Variants in KIAA1328 observed in about 807,000 individuals in gnomAD.
KIAA1328 encodes protein hinderin.
A neutral mutation model predicts 68.1 loss-of-function variants in KIAA1328; 52 were observed. That is an observed-to-expected ratio of 0.76 (90% CI 0.61 to 0.96). The LOEUF is 0.96. Ranked by LOEUF, KIAA1328 falls within the 40% of genes least tolerant of loss-of-function variation. The probability of loss-of-function intolerance (pLI) is 0.00; values close to 1 mark genes in which losing one functional copy is unlikely to be tolerated. For missense variants in KIAA1328, 641 were observed against 677.6 expected (o/e 0.95, Z 0.60); for synonymous variants, 232 against 239.4 (o/e 0.97, Z 0.28).
intron 7 of KIAA1328, among the ~76,000 whole-genome samples, chr18:37,121,000 A>G (rs2058253861): frequency 6.6e-6 from 1 of 152,140 alleles, no homozygotes; most frequent in South Asian, 2.1e-4. Flanking sequence ...GCTTAAAGAG[A>G]GGAAAGACAA....
At chr18:37,152,753 A>G (rs973023418) in intron 7 of KIAA1328, among the ~76,000 whole-genome samples, 11 of 152,176 alleles carry the variant, frequency 7.2e-5, no homozygotes, top group African/African-American at 2.7e-4. Flanking sequence ...TACAGGGCTA[A>G]AAAGAAATTA....
At chr18:36,901,475 G>A (rs2049036707) in intron 5 of KIAA1328, among the ~76,000 whole-genome samples, 1 of 152,012 alleles carries the variant, frequency 6.6e-6, no homozygotes, top group South Asian at 2.1e-4. Flanking sequence ...CTGTCAGTCA[G>A]ATGTCTGGAA....
intron 7 of KIAA1328, among the ~76,000 whole-genome samples, chr18:37,115,516 G>A (rs989183192): frequency 3.6e-4 from 55 of 152,050 alleles, no homozygotes; most frequent in Admixed American, 2.6e-4. Context: ...GACGTATCTT[G>A]AAATAATAAG....
intron 5 of KIAA1328, among the ~76,000 whole-genome samples, chr18:36,923,071 AAAG>A (rs2049987297): frequency 1.3e-5 from 2 of 152,096 alleles, no homozygotes; most frequent in Admixed American, 1.3e-4. Context: ...TTCATACATC[AAAG>A]AAGAAATCCA....
At chr18:36,882,192 C>T (rs2048348241) in intron 4 of KIAA1328, among the ~76,000 whole-genome samples, 1 of 152,128 alleles carries the variant, frequency 6.6e-6, no homozygotes, top group South Asian at 2.1e-4. Context: ...CCACTGTTGA[C>T]ATCAGGTAAC....
intron 7 of KIAA1328, among the ~76,000 whole-genome samples, chr18:37,069,041 G>A (rs1370810101): frequency 6.6e-6 from 1 of 151,920 alleles, no homozygotes; most frequent in African/African-American, 2.4e-5. Context: ...TATCATAGGT[G>A]TTGAATTTTG....
chr18:36,931,933 C>T (rs1167347143), intron 5 of KIAA1328, among the ~76,000 whole-genome samples: 5 of 151,836 alleles, frequency 3.3e-5, no homozygotes, highest in Non-Finnish European at 7.4e-5. Flanking sequence ...TTCTACCTTG[C>T]ATAGTATATT....
At chr18:37,053,800 C>T (rs929919894) in intron 6 of KIAA1328, among the ~76,000 whole-genome samples, 11 of 152,028 alleles carry the variant, frequency 7.2e-5, no homozygotes, top group Non-Finnish European at 1.5e-4. Flanking sequence ...CACAAGGTTC[C>T]TCCCCCAACA....
chr18:37,105,501 GAAAA>G (rs376818867), intron 7 of KIAA1328, among the ~76,000 whole-genome samples: 2 of 100,348 alleles, frequency 2.0e-5, no homozygotes, highest in East Asian at 7.1e-4. Flanking sequence ...CTTTTTGAAG[GAAAA>G]AAAAAAAAAA....
At chr18:37,022,221 A>G (rs985869588) in intron 6 of KIAA1328, among the ~76,000 whole-genome samples, 1 of 152,120 alleles carries the variant, frequency 6.6e-6, no homozygotes, top group African/African-American at 2.4e-5. Context: ...AGAATTGTCC[A>G]TTTCTCTTTT....
In KIAA1328 at chr18:36,888,170, C is replaced by T. The variant is rs1274893588; in HGVS notation, c.448+2498C>T. On this transcript the variant is annotated intron_variant, in intron 5 of 9. Coordinates refer to ENST00000280020, the MANE Select transcript of KIAA1328 (RefSeq NM_020776.3). ...TTCATGTTTTCCTCATGATTTAACT[C>T]GGGGGGAGAACACTACTACTGTGGG... 2.6e-5 allele frequency among the ~76,000 whole-genome samples: 4 copies of T among 152,142 alleles called. 1 individual carries two copies. In the South Asian group the frequency reaches 6.2e-4, roughly 24 times the overall value.
intron 7 of KIAA1328, among the ~76,000 whole-genome samples, chr18:37,146,647 G>C (rs567492297): frequency 6.6e-6 from 1 of 152,192 alleles, no homozygotes; most frequent in South Asian, 2.1e-4. Flanking sequence ...AGCTCCTTCA[G>C]GATAATTCCT....
At chr18:36,991,504 A>G (rs2053176143) in intron 6 of KIAA1328, among the ~76,000 whole-genome samples, 1 of 152,218 alleles carries the variant, frequency 6.6e-6, no homozygotes, top group Admixed American at 6.5e-5. Flanking sequence ...TACTGGGTAG[A>G]TTTATTTTCC....
intron 7 of KIAA1328, among the ~76,000 whole-genome samples, chr18:37,109,472 T>C (rs1050204960): frequency 1.3e-5 from 2 of 152,216 alleles, no homozygotes; most frequent in African/African-American, 2.4e-5. Context: ...ATATTTGTTA[T>C]ATTAGTACAT....
At chr18:37,212,789 T>C (rs111711009) in intron 9 of KIAA1328, among the ~76,000 whole-genome samples, 3,695 of 152,232 alleles carry the variant, frequency 0.024, 131 homozygotes, top group African/African-American at 0.083. Flanking sequence ...GGCACAATCT[T>C]GGCTCACTGC....
At chr18:36,871,036 G>T (rs189352963) in intron 4 of KIAA1328, among the ~76,000 whole-genome samples, 1 of 152,072 alleles carries the variant, frequency 6.6e-6, no homozygotes, top group Non-Finnish European at 1.5e-5. Flanking sequence ...GTATTTTCCC[G>T]TCAACATGAG....
chr18:37,096,170 G>A (rs2057399948), intron 7 of KIAA1328, among the ~76,000 whole-genome samples: 1 of 151,920 alleles, frequency 6.6e-6, no homozygotes, highest in Admixed American at 6.6e-5. Flanking sequence ...TTGGTGTGCT[G>A]CACCCATTAA....
At chr18:37,192,989 A>C (rs2059935168) in intron 9 of KIAA1328, among the ~76,000 whole-genome samples, 1 of 152,134 alleles carries the variant, frequency 6.6e-6, no homozygotes, top group African/African-American at 2.4e-5. Context: ...AAATTATCAA[A>C]TTTGCCCAAA....
chr18:37,152,281 G>C (rs751938206), intron 7 of KIAA1328, among the ~76,000 whole-genome samples: 30 of 152,042 alleles, frequency 2.0e-4, no homozygotes, highest in African/African-American at 7.2e-4. Flanking sequence ...CGAGACAAAG[G>C]TAAAGGACTT....
Sources: gnomAD v4.1 joint callset for allele counts (sites outside exome capture counted in the v4.1 genomes callset) on GRCh38, gnomAD v4.1.1 for gene constraint, MANE v1.5 for transcripts, NCBI Gene and HGNC (gene_info 2026-07-23, HGNC 2026-07-21) for gene names.